CAST: variants seen among roughly 807,000 people sequenced by gnomAD.
CAST encodes calpastatin, also known as MIR583 host.
CAST carries 76 observed loss-of-function variants against 119.6 expected under a neutral mutation model. That is an observed-to-expected ratio of 0.64 (90% CI 0.53 to 0.77). The LOEUF (loss-of-function observed/expected upper bound fraction) is 0.77, where lower values mean the gene tolerates loss of function less well. Ranked by LOEUF, CAST falls within the 30% of genes least tolerant of loss-of-function variation. The pLI is 0.00. For missense variants in CAST, 953 were observed against 946.5 expected, an observed-to-expected ratio of 1.01 and a Z score of -0.09; for synonymous variants, 319 against 331.6, an observed-to-expected ratio of 0.96 and a Z score of 0.41.
At chr5:96,407,469 G>T in the CAST span, among the ~76,000 whole-genome samples, 1 of 152,004 alleles carries the variant, frequency 6.6e-6, no homozygotes, top group Non-Finnish European at 1.5e-5. Flanking sequence ...TTGGAAACTG[G>T]CACTTTCACA....
At chr5:96,663,639 C>CAAGGAGA (rs2150217772) in intron 1 of CAST, among the ~76,000 whole-genome samples, 1 of 152,164 alleles carries the variant, frequency 6.6e-6, no homozygotes, top group East Asian at 1.9e-4. Context: ...CAATGTGAGG[C>CAAGGAGA]AAGGAGAAAA....
intron 1 of CAST, among the ~76,000 whole-genome samples, chr5:96,601,985 T>C (rs932324512): frequency 1.3e-5 from 2 of 152,222 alleles, no homozygotes; most frequent in African/African-American, 2.4e-5. Flanking sequence ...GCCCTCCTCA[T>C]TGGACTCTTG....
chr5:96,132,560 G>A, the CAST span, among the ~76,000 whole-genome samples: 4 of 151,484 alleles, frequency 2.6e-5, no homozygotes, highest in African/African-American at 4.8e-5. Flanking sequence ...CTTCATTCTC[G>A]CCCCCCATTT....
chr5:96,649,351 T>G (rs1177677273), intron 1 of CAST, among the ~76,000 whole-genome samples: 2 of 152,208 alleles, frequency 1.3e-5, no homozygotes, highest in Non-Finnish European at 2.9e-5. Flanking sequence ...TGCAGATGTT[T>G]TCTTTTAATA....
the CAST span, among the ~76,000 whole-genome samples, chr5:96,514,279 A>G: frequency 5.9e-5 from 9 of 152,190 alleles, no homozygotes; most frequent in African/African-American, 2.2e-4. Flanking sequence ...CAAACAAATT[A>G]AGTACGTGGT....
At chr5:95,982,311 TTGTGTG>T in the CAST span, among the ~76,000 whole-genome samples, 7 of 148,606 alleles carry the variant, frequency 4.7e-5, no homozygotes, top group Non-Finnish European at 1.0e-4. Context: ...TTGTATTCAA[TTGTGTG>T]TGTGTGTGTG....
At chr5:96,632,960 A>C (rs1747841321) in intron 1 of CAST, among the ~76,000 whole-genome samples, 1 of 151,848 alleles carries the variant, frequency 6.6e-6, no homozygotes, top group African/African-American at 2.4e-5. Flanking sequence ...CATTTTTTTA[A>C]AGTTTTTGGT....
chr5:96,466,267 G>C, the CAST span, among the ~76,000 whole-genome samples: 11 of 151,984 alleles, frequency 7.2e-5, no homozygotes, highest in Non-Finnish European at 1.2e-4. Flanking sequence ...GGATTATATT[G>C]TTGATTAGTA....
At chr5:96,467,228 T>A in the CAST span, among the ~76,000 whole-genome samples, 3 of 152,080 alleles carry the variant, frequency 2.0e-5, no homozygotes, top group South Asian at 6.2e-4. Context: ...ACATTAGGGA[T>A]GTTAGTCCTT....
At chr5:96,416,469 C>T in the CAST span, among the ~76,000 whole-genome samples, 1 of 152,206 alleles carries the variant, frequency 6.6e-6, no homozygotes. Context: ...ACTATTGATA[C>T]TATTATAAGA....
the CAST span, among the ~76,000 whole-genome samples, chr5:96,168,522 C>G: frequency 6.6e-6 from 1 of 152,084 alleles, no homozygotes; most frequent in Non-Finnish European, 1.5e-5. Flanking sequence ...GTTCAGCTTG[C>G]TAAGAGGTAG....
the CAST span, among the ~76,000 whole-genome samples, chr5:96,454,047 C>A: frequency 6.6e-6 from 1 of 152,110 alleles, no homozygotes; most frequent in Non-Finnish European, 1.5e-5. Context: ...AACTTATATC[C>A]GTAGATAAAA....
At chr5:96,265,048 GA>G in the CAST span, among the ~76,000 whole-genome samples, 1 of 152,136 alleles carries the variant, frequency 6.6e-6, no homozygotes, top group African/African-American at 2.4e-5. Flanking sequence ...CCTAAAAATG[GA>G]ATTGTCAGGT....
intron 1 of CAST, among the ~76,000 whole-genome samples, chr5:96,654,372 A>G (rs779610770): frequency 2.0e-5 from 3 of 151,818 alleles, no homozygotes; most frequent in Non-Finnish European, 4.4e-5. Context: ...CACTTTCACT[A>G]CTTTCCTCAT....
intron 1 of CAST, among the ~76,000 whole-genome samples, chr5:96,644,464 C>T (rs563017588): frequency 6.6e-6 from 1 of 152,112 alleles, no homozygotes; most frequent in Non-Finnish European, 1.5e-5. Flanking sequence ...AATATTTTGG[C>T]GGTGTCCATT....
intron 1 of CAST, among the ~76,000 whole-genome samples, chr5:96,642,969 T>G (rs1435128974): frequency 6.6e-6 from 1 of 152,282 alleles, no homozygotes; most frequent in Non-Finnish European, 1.5e-5. Flanking sequence ...ATGTTACAGG[T>G]GAGGAAATTA....
the CAST span, among the ~76,000 whole-genome samples, chr5:96,325,576 C>T: frequency 6.6e-6 from 1 of 151,868 alleles, no homozygotes; most frequent in Non-Finnish European, 1.5e-5. Flanking sequence ...ACCTCCCAGG[C>T]TCAAGCCATC....
intron 2 of CAST, among the ~76,000 whole-genome samples, chr5:96,693,712 G>A (rs1752981519): frequency 6.6e-6 from 1 of 152,144 alleles, no homozygotes; most frequent in African/African-American, 2.4e-5. Flanking sequence ...GTACATTAAG[G>A]TTGTCAGAAG....
chr5:96,148,258 C>T, the CAST span, among the ~76,000 whole-genome samples: 3 of 152,190 alleles, frequency 2.0e-5, no homozygotes, highest in Admixed American at 1.3e-4. Flanking sequence ...TTGGCTTAAT[C>T]AACACCTCTG....
Sources: allele counts gnomAD v4.1 joint callset (sites outside exome capture counted in the v4.1 genomes callset), GRCh38; gene constraint gnomAD v4.1.1; transcripts MANE v1.5; gene names NCBI Gene and HGNC (gene_info 2026-07-23, HGNC 2026-07-21).